The following RGS6 variants were observed in gnomAD, a reference collection of about 807,000 sequenced individuals.
The protein encoded by RGS6 is regulator of G-protein signaling 6.
Under a neutral mutation model 78.5 loss-of-function variants are expected in RGS6, and 30 were observed. That is an observed-to-expected ratio of 0.38 (90% CI 0.29 to 0.52). The LOEUF is 0.52. Ranked by LOEUF, RGS6 falls within the 20% of genes least tolerant of loss-of-function variation. The probability of loss-of-function intolerance (pLI) is 0.85; values close to 1 mark genes in which losing one functional copy is unlikely to be tolerated. For synonymous variants in RGS6, 206 were observed against 206.0 expected, an observed-to-expected ratio of 1.00 and a Z score of 0.00; for missense variants, 495 against 609.7, an observed-to-expected ratio of 0.81 and a Z score of 1.98.
intron 2 of RGS6, among the ~76,000 whole-genome samples, chr14:72,338,246 A>G (rs570092436): frequency 6.6e-6 from 1 of 152,356 alleles, no homozygotes; most frequent in South Asian, 2.1e-4. Context: ...ATTTATAAAG[A>G]AAAAGAGGTT....
chr14:72,322,156 G>A (rs1393316357), intron 2 of RGS6, among the ~76,000 whole-genome samples: 5 of 151,858 alleles, frequency 3.3e-5, no homozygotes, highest in East Asian at 1.9e-4. Context: ...TTCTACTCAC[G>A]AAATTAAATA....
intron 2 of RGS6, among the ~76,000 whole-genome samples, chr14:71,974,404 A>G (rs1411465721): frequency 1.3e-5 from 2 of 152,226 alleles, no homozygotes; most frequent in East Asian, 1.9e-4. Context: ...ATATATATAG[A>G]TATAGACATA....
At chr14:72,336,537 G>C (rs948557578) in intron 2 of RGS6, among the ~76,000 whole-genome samples, 1 of 150,728 alleles carries the variant, frequency 6.6e-6, no homozygotes, top group Non-Finnish European at 1.5e-5. Flanking sequence ...GAGAGAGAGC[G>C]CGCATAGGGA....
At chr14:72,577,717 C>G in the RGS6 span, among the ~76,000 whole-genome samples, 1 of 152,194 alleles carries the variant, frequency 6.6e-6, no homozygotes, top group Non-Finnish European at 1.5e-5. Context: ...TGTCCTAAGT[C>G]CTTGGAAGGA....
intron 3 of RGS6, among the ~76,000 whole-genome samples, chr14:72,447,163 G>A (rs2095387015): frequency 6.6e-6 from 1 of 152,130 alleles, no homozygotes; most frequent in Non-Finnish European, 1.5e-5. Flanking sequence ...GGAGAGGTGG[G>A]GGAAGAAGAA....
chr14:72,548,204 A>T (rs1172590109), intron 17 of RGS6, among the ~76,000 whole-genome samples: 2 of 152,210 alleles, frequency 1.3e-5, no homozygotes. Context: ...CATTCCAACC[A>T]CATTCAAAGA....
chr14:71,981,945 G>A (rs1475349075), intron 2 of RGS6, among the ~76,000 whole-genome samples: 2 of 151,638 alleles, frequency 1.3e-5, no homozygotes, highest in African/African-American at 4.8e-5. Flanking sequence ...GAGACTCCGT[G>A]GGCGTAGGAC....
intron 2 of RGS6, among the ~76,000 whole-genome samples, chr14:72,234,874 T>C (rs946981075): frequency 2.6e-5 from 4 of 152,154 alleles, no homozygotes; most frequent in Non-Finnish European, 5.9e-5. Context: ...GGCTATAAGC[T>C]CTACAGAGAA....
chr14:72,477,025 A>T (rs1319515241), intron 11 of RGS6, 185 bp downstream of exon 11: 4 of 580,098 alleles, frequency 6.9e-6, no homozygotes, highest in Non-Finnish European at 1.2e-5. Flanking sequence ...GAGAGAAAGA[A>T]TTCTCTACCC....
intron 2 of RGS6, among the ~76,000 whole-genome samples, chr14:71,978,242 A>T (rs1203083827): frequency 1.5e-5 from 2 of 132,986 alleles, no homozygotes; most frequent in African/African-American, 5.4e-5. Context: ...TTCCTAATTG[A>T]ATACCCTTTA....
intron 3 of RGS6, among the ~76,000 whole-genome samples, chr14:72,382,672 T>C (rs2086503965): frequency 6.6e-6 from 1 of 152,206 alleles, no homozygotes; most frequent in African/African-American, 2.4e-5. Flanking sequence ...GCAGCAAAAT[T>C]CTGGAATAAT....
chr14:71,892,809 G>C, the RGS6 span, among the ~76,000 whole-genome samples: 1 of 152,214 alleles, frequency 6.6e-6, no homozygotes, highest in African/African-American at 2.4e-5. Context: ...AATGTAATGT[G>C]GTTTCTATAA....
At chr14:72,072,533 T>G (rs994361189) in intron 2 of RGS6, among the ~76,000 whole-genome samples, 1 of 152,084 alleles carries the variant, frequency 6.6e-6, no homozygotes, top group African/African-American at 2.4e-5. Flanking sequence ...GGTGTCGATC[T>G]CCTGACCTCA....
intron 2 of RGS6, among the ~76,000 whole-genome samples, chr14:72,286,559 A>G (rs1186901857): frequency 1.3e-5 from 2 of 149,618 alleles, no homozygotes; most frequent in Non-Finnish European, 3.0e-5. Context: ...TGCCCTTGGG[A>G]TTTTGATGGG....
chr14:72,022,234 A>C (rs11627893), intron 2 of RGS6, among the ~76,000 whole-genome samples: 123,408 of 152,150 alleles, frequency 0.81, 50,580 homozygotes, highest in South Asian at 0.94. Flanking sequence ...TGCTGCAGTG[A>C]ACATTCATGT....
intron 2 of RGS6, among the ~76,000 whole-genome samples, chr14:72,023,057 G>A (rs1452976441): frequency 6.6e-6 from 1 of 152,148 alleles, no homozygotes; most frequent in Non-Finnish European, 1.5e-5. Flanking sequence ...TGTCCTGCCT[G>A]TTTCATGTCA....
intron 2 of RGS6, among the ~76,000 whole-genome samples, chr14:72,246,900 C>T (rs1594765886): frequency 1.7e-5 from 1 of 58,274 alleles, no homozygotes; most frequent in East Asian, 3.1e-4. Context: ...AGCAAGACTC[C>T]ATCTCAAAAA....
At chr14:72,396,878 A>G (rs1225532517) in intron 3 of RGS6, among the ~76,000 whole-genome samples, 1 of 152,070 alleles carries the variant, frequency 6.6e-6, no homozygotes, top group Non-Finnish European at 1.5e-5. Flanking sequence ...TATTTCTAAG[A>G]GCTCTGTCCT....
intron 3 of RGS6, among the ~76,000 whole-genome samples, chr14:72,437,031 A>G (rs762839474): frequency 7.9e-5 from 12 of 151,968 alleles, no homozygotes; most frequent in Non-Finnish European, 1.6e-4. Context: ...TTTATTGTCA[A>G]CAATCATGGC....
Sources: gnomAD v4.1 joint callset for allele counts (sites outside exome capture counted in the v4.1 genomes callset) on GRCh38, gnomAD v4.1.1 for gene constraint, MANE v1.5 for transcripts, NCBI Gene and HGNC (gene_info 2026-07-23, HGNC 2026-07-21) for gene names.